WWOX: variants seen among roughly 807,000 people sequenced by gnomAD.
WWOX encodes the protein WW domain-containing oxidoreductase.
A neutral mutation model predicts 46.2 loss-of-function variants in WWOX; 69 were observed. The ratio of observed to expected loss-of-function variants is 1.49; its 90% CI spans 1.23 to 1.82. The LOEUF (loss-of-function observed/expected upper bound fraction) is 1.82, where lower values mean the gene tolerates loss of function less well. Ranked by LOEUF, WWOX falls within the 40% of genes most tolerant of loss-of-function variation. The probability of loss-of-function intolerance (pLI) is 0.00; values close to 1 mark genes in which losing one functional copy is unlikely to be tolerated. For synonymous variants in WWOX, 359 were observed against 202.6 expected, an observed-to-expected ratio of 1.77 and a Z score of -6.56; for missense variants, 919 against 542.6, an observed-to-expected ratio of 1.69 and a Z score of -6.89.
Position 78,955,115 on chromosome 16 carries a change from A to G in WWOX, c.1057-256493A>G, listed in dbSNP as rs534258057. On this transcript the variant is annotated intron_variant, in intron 8 of 8. Transcript: ENST00000566780. ...CGCAGAGAGAAAGTGACAGTTGAAG[A>G]CTATATTGAATTTTGGCCCACAGGA... 2.0e-5 allele frequency among the ~76,000 whole-genome samples: 3 copies of G among 152,204 alleles called. 1 individual carries two copies. In the East Asian group the frequency reaches 5.8e-4, roughly 29 times the overall value.
chr16:78,650,597 G>A (rs935590762), intron 8 of WWOX, among the ~76,000 whole-genome samples: 2 of 152,170 alleles, frequency 1.3e-5, no homozygotes, highest in African/African-American at 2.4e-5. Context: ...TGGTCTTTGA[G>A]ATTATGTAAT....
At chr16:78,953,439 A>G (rs1041489917) in intron 8 of WWOX, among the ~76,000 whole-genome samples, 2 of 151,470 alleles carry the variant, frequency 1.3e-5, no homozygotes, top group African/African-American at 4.9e-5. Flanking sequence ...CTGTTCATCA[A>G]CAGTCCCTTT....
At chr16:78,502,055 A>G (rs2085083721) in intron 8 of WWOX, among the ~76,000 whole-genome samples, 1 of 152,156 alleles carries the variant, frequency 6.6e-6, no homozygotes, top group African/African-American at 2.4e-5. Flanking sequence ...GTTTTAGCCA[A>G]CTTCTCTGGA....
intron 8 of WWOX, among the ~76,000 whole-genome samples, chr16:78,591,461 C>A (rs993442999): frequency 6.6e-6 from 1 of 152,198 alleles, no homozygotes; most frequent in Non-Finnish European, 1.5e-5. Flanking sequence ...CTCTGCATCC[C>A]CTCTTCCCTC....
In WWOX at chr16:79,123,821, C is replaced by T. The variant is rs139586090; in HGVS notation, c.1057-87787C>T. On this transcript the variant is annotated intron_variant, in intron 8 of 8. Transcript: ENST00000566780. ...TCCCAGGACAATTCATATCCCCGTG[C>T]CATCCGATTAGTGAATCAAGAGAAA... Among the ~76,000 whole-genome samples the T allele has an allele frequency of 4.9e-4, 74 of 152,238 alleles. 1 individual carries two copies. In the East Asian group the frequency reaches 0.013, roughly 27 times the overall value.
intron 5 of WWOX, among the ~76,000 whole-genome samples, chr16:78,243,962 C>T (rs1171139416): frequency 6.6e-6 from 1 of 152,214 alleles, no homozygotes; most frequent in Non-Finnish European, 1.5e-5. Flanking sequence ...TAATGAAGCT[C>T]CTGTCCTTGA....
At chr16:78,165,940 A>G (rs2151737156) in intron 5 of WWOX, among the ~76,000 whole-genome samples, 1 of 150,278 alleles carries the variant, frequency 6.7e-6, no homozygotes, top group East Asian at 1.9e-4. Context: ...AATGTTAAAA[A>G]GTAGTAACCT....
chr16:78,189,565 G>C (rs1374360247), intron 5 of WWOX, among the ~76,000 whole-genome samples: 2 of 152,168 alleles, frequency 1.3e-5, no homozygotes, highest in Non-Finnish European at 2.9e-5. Context: ...GTCTATTTTT[G>C]AGAAAGAGAA....
intron 4 of WWOX, among the ~76,000 whole-genome samples, chr16:78,140,078 TG>T (rs1362826674): frequency 1.3e-5 from 2 of 152,110 alleles, no homozygotes; most frequent in Non-Finnish European, 2.9e-5. Context: ...AGGATGGAAA[TG>T]GGGGGATCCA....
chr16:78,763,952 C>T (rs1212893339), intron 8 of WWOX, among the ~76,000 whole-genome samples: 1 of 152,158 alleles, frequency 6.6e-6, no homozygotes, highest in African/African-American at 2.4e-5. Context: ...GAAGAAGCCC[C>T]ACTCTCCCTC....
At chr16:78,230,837 A>G (rs1398294468) in intron 5 of WWOX, among the ~76,000 whole-genome samples, 4 of 152,206 alleles carry the variant, frequency 2.6e-5, no homozygotes, top group Non-Finnish European at 4.4e-5. Context: ...TCTCACACCA[A>G]TGGTATATAT....
intron 8 of WWOX, chr16:78,890,785 A>G (rs562335247): frequency 1.3e-5 from 2 of 152,222 alleles, no homozygotes; most frequent in Non-Finnish European, 2.9e-5. Context: ...GCCTTGTTCA[A>G]GGTAACAGTA....
chr16:78,721,945 G>C (rs1471891055), intron 8 of WWOX, among the ~76,000 whole-genome samples: 2 of 152,202 alleles, frequency 1.3e-5, no homozygotes, highest in African/African-American at 4.8e-5. Context: ...ACTTTCCTTT[G>C]CTACTTTTTG....
chr16:79,136,798 C>T (rs1597407222), intron 8 of WWOX, among the ~76,000 whole-genome samples: 1 of 152,188 alleles, frequency 6.6e-6, no homozygotes, highest in Non-Finnish European at 1.5e-5. Context: ...TAGGCACATG[C>T]CATGTACATG....
chr16:79,114,986 C>T (rs908290054), intron 8 of WWOX, among the ~76,000 whole-genome samples: 1 of 152,224 alleles, frequency 6.6e-6, no homozygotes, highest in Non-Finnish European at 1.5e-5. Flanking sequence ...CCCACAGGAA[C>T]ATTGCAATAA....
intron 8 of WWOX, among the ~76,000 whole-genome samples, chr16:78,719,781 A>G (rs916238163): frequency 1.3e-5 from 2 of 152,198 alleles, no homozygotes; most frequent in African/African-American, 4.8e-5. Flanking sequence ...ATTTGTAACC[A>G]GGGGTATTAT....
rs751493396 is a variant in WWOX, at chr16:78,114,993, C to A, written c.248C>A (p.Thr83Asn). Residue 83 changes from threonine to asparagine, a missense_variant, in exon 4 of 9, where the codon ACC becomes AAC. Physicochemically the swap from Thr to Asn is moderately conservative, Grantham distance 65. Coordinates refer to ENST00000566780, the MANE Select transcript of WWOX (RefSeq NM_016373.4). Reference protein sequence around the residue: ...VFFVDHINKRTTYLDPRLAFT... With the variant: ...VFFVDHINKRNTYLDPRLAFT... ...TTGGGCAGCCATATAAATAAAAGAA[C>A]CACCTACTTGGACCCAAGACTGGCG... 1.9e-6 allele frequency: 3 copies of A among 1,614,142 alleles called. No individual in the cohort carries two copies. Among genetic ancestry groups the A allele is most frequent in the Non-Finnish European group, 1.7e-6 (2 of 1,180,028 alleles).
At chr16:78,432,096 A>G (rs751950355) in intron 7 of WWOX, among the ~76,000 whole-genome samples, 8 of 149,372 alleles carry the variant, frequency 5.4e-5, no homozygotes, top group Non-Finnish European at 1.0e-4. Context: ...GTTTTTACTC[A>G]TCTCTACATA....
At chr16:78,238,508 G>A (rs1175846963) in intron 5 of WWOX, among the ~76,000 whole-genome samples, 1 of 151,956 alleles carries the variant, frequency 6.6e-6, no homozygotes, top group Non-Finnish European at 1.5e-5. Context: ...TACCATGTTG[G>A]CCAGGCTGAA....
Sources: allele counts gnomAD v4.1 joint callset (sites outside exome capture counted in the v4.1 genomes callset), GRCh38; gene constraint gnomAD v4.1.1; transcripts MANE v1.5; gene names NCBI Gene and HGNC (gene_info 2026-07-23, HGNC 2026-07-21).